EHD4: variants seen among roughly 807,000 people sequenced by gnomAD.
EHD4 encodes the protein EH domain containing 4.
In EHD4, 37 loss-of-function variants were observed where a neutral mutation model predicts 51.0. The observed-to-expected ratio is 0.73, with a 90% CI of 0.56 to 0.95. The LOEUF (loss-of-function observed/expected upper bound fraction) is 0.95, where lower values mean the gene tolerates loss of function less well. Among genes scored for constraint, EHD4 ranks in the 40% least tolerant of loss-of-function variants. The pLI is 0.00. For synonymous variants in EHD4, 297 were observed against 317.3 expected (o/e 0.94, Z 0.68); for missense variants, 632 against 733.1 (o/e 0.86, Z 1.59).
intron 2 of EHD4, among the ~76,000 whole-genome samples, chr15:41,944,058 G>A (rs533925234): frequency 2.6e-5 from 4 of 152,268 alleles, no homozygotes; most frequent in South Asian, 4.2e-4. Flanking sequence ...TCCACTCCAC[G>A]GAAGCAGAGT....
intron 2 of EHD4, among the ~76,000 whole-genome samples, chr15:41,944,655 A>C (rs745491841): frequency 5.9e-5 from 9 of 152,220 alleles, no homozygotes; most frequent in Non-Finnish European, 1.3e-4. Flanking sequence ...AAGATATAGA[A>C]AAAGACATTA....
intron 4 of EHD4, among the ~76,000 whole-genome samples, chr15:41,916,153 A>C (rs914432115): frequency 1.3e-5 from 2 of 152,220 alleles, no homozygotes; most frequent in African/African-American, 4.8e-5. Context: ...GCATGTTTTC[A>C]AAGTGTCAGC....
intron 3 of EHD4, among the ~76,000 whole-genome samples, chr15:41,926,385 G>A (rs1174097827): frequency 6.6e-6 from 1 of 151,928 alleles, no homozygotes. Context: ...GGCCCTGCCC[G>A]CCCCTCCCAT....
At chr15:41,954,251 C>T (rs543200494) in intron 1 of EHD4, among the ~76,000 whole-genome samples, 1 of 152,284 alleles carries the variant, frequency 6.6e-6, no homozygotes, top group East Asian at 1.9e-4. Context: ...CTGCTGCCAG[C>T]GTGGTGCTCA....
chr15:41,948,883 G>A (rs2067832909), intron 2 of EHD4, among the ~76,000 whole-genome samples: 1 of 151,838 alleles, frequency 6.6e-6, no homozygotes, highest in Non-Finnish European at 1.5e-5. Flanking sequence ...ACAAAAATTA[G>A]CTGGGCATGG....
chr15:41,951,002 ACTAACCCTAACCCTAACC>A (rs79417445), intron 2 of EHD4, among the ~76,000 whole-genome samples: 1 of 151,782 alleles, frequency 6.6e-6, no homozygotes, highest in African/African-American at 2.4e-5. Flanking sequence ...GAACAGCCTT[ACTAACCCTAACCCTAACC>A]CTAACCCTAA....
At chr15:41,956,016 G>C (rs2067885345) in intron 1 of EHD4, among the ~76,000 whole-genome samples, 1 of 152,202 alleles carries the variant, frequency 6.6e-6, no homozygotes, top group Admixed American at 6.5e-5. Context: ...GGGAGGGAGG[G>C]GCTTGGGAGA....
intron 3 of EHD4, among the ~76,000 whole-genome samples, chr15:41,931,703 G>C (rs1595537429): frequency 6.7e-6 from 1 of 148,582 alleles, no homozygotes; most frequent in Admixed American, 6.7e-5. Context: ...TTGAGACGGA[G>C]TCTAGCTCTG....
chr15:41,924,483 C>T (rs1024381393), intron 3 of EHD4, among the ~76,000 whole-genome samples: 8 of 152,182 alleles, frequency 5.3e-5, no homozygotes, highest in Admixed American at 2.0e-4. Context: ...AGTTAATATA[C>T]GTGAAGCATT....
In EHD4 at chr15:41,897,679, G is replaced by T. The variant is rs1183468199; in HGVS notation, c.*2966C>A. ...AAACGGGGTCAGGAGACCCTCACTGGCAGGCTGACAACTTGGAAGCAGACT... is the reference window on the plus strand; with the variant it reads ...AAACGGGGTCAGGAGACCCTCACTGTCAGGCTGACAACTTGGAAGCAGACT... On this transcript the variant is annotated 3_prime_UTR_variant, in exon 6 of 6. Coordinates refer to ENST00000220325, the MANE Select transcript of EHD4 (RefSeq NM_139265.4). 6.6e-6 allele frequency: 1 copy of T among 152,218 alleles called. No individual in the cohort carries two copies. The highest frequency in any genetic ancestry group is 1.5e-5 in the Non-Finnish European group (1 of 68,050). The allele number at this position is 152,218 out of a possible 1,614,324, so 9.4% of individuals were successfully genotyped here.
intron 2 of EHD4, among the ~76,000 whole-genome samples, chr15:41,949,453 C>T (rs1451238181): frequency 6.6e-6 from 1 of 152,030 alleles, no homozygotes; most frequent in African/African-American, 2.4e-5. Flanking sequence ...ACAGAAGTAA[C>T]AAATGGAGTA....
At chr15:41,964,823 G>A (rs2067951822) in intron 1 of EHD4, among the ~76,000 whole-genome samples, 1 of 151,332 alleles carries the variant, frequency 6.6e-6, no homozygotes, top group African/African-American at 2.4e-5. Flanking sequence ...CCAGACTGGA[G>A]TTCAGTGGTG....
chr15:41,944,436 C>T (rs540112707), intron 2 of EHD4, among the ~76,000 whole-genome samples: 15 of 152,232 alleles, frequency 9.9e-5, no homozygotes, highest in Non-Finnish European at 1.6e-4. Flanking sequence ...TCAATTCTTC[C>T]GTACGATGGA....
rs2068006017 is a variant in EHD4 at position 41,972,483 on chromosome 15, C to G, written c.12G>C (p.Trp4Cys). MFS[W>C]MGRQAGGRER... ...CGCGCCCGCCCGCCTGCCGCCCCAT[C>G]CAGCTGAACATCCTGCCGCCAGTCC... is the stretch of plus-strand genomic sequence containing the variant. Residue 4 changes from tryptophan (W) to cysteine (C), a missense_variant, in exon 1 of 6, where the codon TGG becomes TGC. By Grantham distance (215) the Trp-to-Cys change is radical (BLOSUM62 -2). Transcript: ENST00000220325. 6.5e-7 allele frequency: 1 copy of G among 1,531,498 alleles called. No individual in the cohort carries two copies. The highest frequency in any genetic ancestry group is 8.8e-7 in the Non-Finnish European group (1 of 1,142,392). 94.9% of individuals were successfully genotyped at this position (1,531,498 alleles called of 1,614,324 possible).
chr15:41,965,331 T>G (rs1002763714), intron 1 of EHD4, among the ~76,000 whole-genome samples: 6 of 152,214 alleles, frequency 3.9e-5, no homozygotes, highest in African/African-American at 1.4e-4. Flanking sequence ...ATTTATTAAA[T>G]TATATTTACA....
At chr15:41,931,030 C>T (rs984498901) in intron 3 of EHD4, among the ~76,000 whole-genome samples, 4 of 152,164 alleles carry the variant, frequency 2.6e-5, no homozygotes, top group South Asian at 2.1e-4. Flanking sequence ...TCTACAGTGG[C>T]ATTTTTGGCA....
At chr15:41,901,269 C>T (rs748262374) in intron 5 of EHD4, 88 bp from the exon 6 acceptor site, 60 of 1,409,040 alleles carry the variant, frequency 4.3e-5, no homozygotes, top group Non-Finnish European at 5.1e-5. Context: ...CTAATTCTGC[C>T]CCAGGCAGAC....
intron 2 of EHD4, among the ~76,000 whole-genome samples, chr15:41,948,920 C>T (rs1040263002): frequency 1.3e-5 from 2 of 150,724 alleles, no homozygotes; most frequent in South Asian, 2.1e-4. Context: ...TCCCAGCAAT[C>T]GGGAAGCTGA....
intron 3 of EHD4, among the ~76,000 whole-genome samples, chr15:41,937,658 T>C (rs373412430): frequency 2.0e-5 from 3 of 152,256 alleles, no homozygotes; most frequent in South Asian, 2.1e-4. Flanking sequence ...GTCATTCTTA[T>C]CTGGACATCT....
Sources: allele counts gnomAD v4.1 joint callset (sites outside exome capture counted in the v4.1 genomes callset), GRCh38; gene constraint gnomAD v4.1.1; transcripts MANE v1.5; gene names NCBI Gene and HGNC (gene_info 2026-07-23, HGNC 2026-07-21).